Variants in PIN1 observed in about 807,000 individuals in gnomAD.
PIN1 encodes the protein peptidyl-prolyl cis-trans isomerase NIMA-interacting 1.
In PIN1, 8 loss-of-function variants were observed where a neutral mutation model predicts 19.9. The ratio of observed to expected loss-of-function variants is 0.40; its 90% confidence interval spans 0.24 to 0.72. PIN1 has a LOEUF of 0.72. Among genes scored for constraint, PIN1 ranks in the 30% least tolerant of loss-of-function variants. PIN1 has a pLI of 0.37. For missense variants in PIN1, 185 were observed against 226.5 expected, an observed-to-expected ratio of 0.82 and a Z score of 1.18; for synonymous variants, 86 against 90.8, an observed-to-expected ratio of 0.95 and a Z score of 0.30.
At chr19:9,843,709 G>A (rs1299908693) in intron 2 of PIN1, among the ~76,000 whole-genome samples, 2 of 152,150 alleles carry the variant, frequency 1.3e-5, no homozygotes. Context: ...CCAGGCGCAT[G>A]TGCACGGAGT....
At chr19:9,836,741 G>C (rs759540352) in intron 1 of PIN1, 2 of 902,970 alleles carry the variant, frequency 2.2e-6, no homozygotes, top group Non-Finnish European at 3.1e-6. Context: ...CACCATGCAC[G>C]GTGTAGTAGC....
At chr19:9,839,437 G>A (rs978331384) in intron 2 of PIN1, among the ~76,000 whole-genome samples, 1 of 151,508 alleles carries the variant, frequency 6.6e-6, no homozygotes, top group Non-Finnish European at 1.5e-5. Flanking sequence ...AAAAAAAGAG[G>A]TAGTGAGTGC....
In PIN1 at chr19:9,847,935, C is replaced by T. The variant is rs977080156; in HGVS notation, c.272-95C>T. ...GGAGGCTTTCCAACTGAAGTGCTGCCTCCCCCGCTGGCCAGCTCTGGAGTC... is the reference window on the plus strand; with the variant it reads ...GGAGGCTTTCCAACTGAAGTGCTGCTTCCCCCGCTGGCCAGCTCTGGAGTC... On this transcript the variant is annotated intron_variant, in intron 2 of 3. Transcript: ENST00000247970. The T allele has an allele frequency of 7.6e-6, 6 of 791,812 alleles. No homozygotes were observed. The African/African-American group carries it at 8.4e-5, about 11-fold the overall frequency. 49.0% of individuals were successfully genotyped at this position (791,812 alleles called of 1,614,324 possible).
At chr19:9,835,552 C>T (rs1473137281) in intron 1 of PIN1, 150 bp downstream of exon 1, 3 of 612,510 alleles carry the variant, frequency 4.9e-6, no homozygotes, top group Non-Finnish European at 7.7e-6. Context: ...CCCGGCCCGC[C>T]CTGTTGTGGG....
At chr19:9,835,844 A>T (rs188036947) in intron 1 of PIN1, 1 of 175,380 alleles carries the variant, frequency 5.7e-6, no homozygotes, top group African/African-American at 2.4e-5. Context: ...GTGTACACCT[A>T]ATGCTGAGTC....
At chr19:9,841,133 G>T (rs34582587) in intron 2 of PIN1, among the ~76,000 whole-genome samples, 9,236 of 152,188 alleles carry the variant, frequency 0.061, 939 homozygotes, top group African/African-American at 0.21. Context: ...TCATCACTTG[G>T]TCCAGTTGGC....
Position 9,835,335 on chromosome 19 carries a change from A to C in PIN1, c.-10A>C, listed in dbSNP as rs775598506. 1.3e-6 allele frequency: 2 copies of C among 1,518,692 alleles called. No homozygotes were observed. The highest frequency in any genetic ancestry group is 1.8e-6 in the Non-Finnish European group (2 of 1,138,240). The allele number at this position is 1,518,692 out of a possible 1,614,324, so 94.1% of individuals were successfully genotyped here. ...GCTGAGGCGGAGCAGGCGCTGCGGCAGGAGGGAAGATGGCGGACGAGGAGA... is the reference window on the plus strand; with the variant it reads ...GCTGAGGCGGAGCAGGCGCTGCGGCCGGAGGGAAGATGGCGGACGAGGAGA... On this transcript the variant is annotated 5_prime_UTR_variant, in exon 1 of 4. Coordinates refer to ENST00000247970, the MANE Select transcript of PIN1 (RefSeq NM_006221.4).
intron 1 of PIN1, 180 bp downstream of exon 1, chr19:9,835,582 C>A (rs2046094193): frequency 5.7e-6 from 3 of 528,214 alleles, no homozygotes; most frequent in South Asian, 7.2e-5. Context: ...CCTCAGGAGC[C>A]GCCGGGAAGC....
rs890437317 is a variant in PIN1, at chr19:9,836,814, C to T, written c.58+1412C>T. 1.2e-5 allele frequency: 16 copies of T among 1,286,460 alleles called. No individual in the cohort carries two copies. In the African/African-American group the frequency reaches 1.8e-4, roughly 15 times the overall value. The allele number at this position is 1,286,460 out of a possible 1,614,324, so 79.7% of individuals were successfully genotyped here. On this transcript the variant is annotated intron_variant, in intron 1 of 3. Transcript: ENST00000247970. ...AGTTCCTGCCTTCCCCTGTGTGTGC[C>T]TGGAACAGAGTAAACACTCAGGAAG...
intron 2 of PIN1, among the ~76,000 whole-genome samples, chr19:9,845,281 A>T (rs138120043): frequency 1.7e-5 from 2 of 116,802 alleles, no homozygotes; most frequent in African/African-American, 3.0e-5. Context: ...TGTTTGTTTG[A>T]AATGGAGTTT....
rs984783741 is a variant in PIN1, at chr19:9,838,775, G to A, written c.271+127G>A. 18 of 694,098 alleles carry A rather than the reference G, an allele frequency of 2.6e-5. No individual in the cohort carries two copies. The highest frequency in any genetic ancestry group is 3.9e-4 in the Middle Eastern group (1 of 2,564). The allele number at this position is 694,098 out of a possible 1,614,324, so 43.0% of individuals were successfully genotyped here. A position where few individuals can be genotyped will look rare whatever the true frequency, so the allele number is the denominator to read the frequency against. On this transcript the variant is annotated intron_variant, in intron 2 of 3. Transcript: ENST00000247970. The surrounding 1 kb of genome is among the most constrained non-coding windows in gnomAD (Gnocchi z 5.8). ...GCGTGGTGTTGGCCAACACAAAAACGCCAGTGCATGACCTGACCCTGACCT... is the reference window on the plus strand; with the variant it reads ...GCGTGGTGTTGGCCAACACAAAAACACCAGTGCATGACCTGACCCTGACCT...
At chr19:9,835,532 G>T in intron 1 of PIN1, 130 bp downstream of exon 1, 1 of 675,554 alleles carries the variant, frequency 1.5e-6, no homozygotes, top group South Asian at 2.7e-5. Context: ...GTCGTCCCCG[G>T]GGTAACGGCC....
Position 9,838,375 on chromosome 19 carries a change from G to A in PIN1, c.59-61G>A. The A allele has an allele frequency of 7.2e-7, 1 of 1,385,374 alleles. No individual in the cohort carries two copies. The highest frequency in any genetic ancestry group is 1.0e-6 in the Non-Finnish European group (1 of 994,778). 85.8% of individuals were successfully genotyped at this position (1,385,374 alleles called of 1,614,324 possible). The stretch of plus-strand genomic sequence containing the variant: ...GGCCCTCACCCTGGCTTCTGGCTGT[G>A]GGCCCAGGGGTGTCCTGGGAGCACA... On this transcript the variant is annotated intron_variant, in intron 1 of 3. Coordinates refer to ENST00000247970, the MANE Select transcript of PIN1 (RefSeq NM_006221.4). The surrounding 1 kb of genome is among the most constrained non-coding windows in gnomAD (Gnocchi z 5.8).
intron 2 of PIN1, among the ~76,000 whole-genome samples, chr19:9,844,276 TTC>T (rs2046197421): frequency 6.6e-6 from 1 of 152,158 alleles, no homozygotes; most frequent in Non-Finnish European, 1.5e-5. Context: ...CGGTCACTGA[TTC>T]ACTCCTTGGA....
rs1003342258 is a variant in PIN1 at position 9,849,008 on chromosome 19, G to T, written c.383-82G>T. On this transcript the variant is annotated intron_variant, in intron 3 of 3. Transcript: ENST00000247970. ...CTCAGCGCAGGCAGGAGCCCCATCT[G>T]TCGCGGCTGCCACCCGCCCTGCCTC... The T allele has an allele frequency of 1.2e-5, 10 of 803,602 alleles. No individual in the cohort carries two copies. In the African/African-American group the frequency reaches 1.7e-4, roughly 14 times the overall value. The allele number at this position is 803,602 out of a possible 1,614,324, so 49.8% of individuals were successfully genotyped here.
In PIN1 at chr19:9,849,268, G is replaced by T; in HGVS notation, c.*69G>T. 1.9e-6 allele frequency: 2 copies of T among 1,035,464 alleles called. No homozygotes were observed. Among genetic ancestry groups the T allele is most frequent in the Non-Finnish European group, 3.0e-6 (2 of 677,574 alleles). 64.1% of individuals were successfully genotyped at this position (1,035,464 alleles called of 1,614,324 possible). ...TAGGCCGGCCAGCTCCCCCTTGCCC[G>T]CCAGCCAGTGGCCGAACCCCCCACT... is the stretch of plus-strand genomic sequence containing the variant. On this transcript the variant is annotated 3_prime_UTR_variant, in exon 4 of 4. Transcript: ENST00000247970.
At position 9,849,650 on chromosome 19, in the gene PIN1, A is replaced by T. The variant is rs1171537163; in HGVS notation, c.*451A>T. The T allele has an allele frequency of 3.8e-6, 2 of 519,900 alleles. No individual in the cohort carries two copies. The highest frequency in any genetic ancestry group is 3.9e-5 in the Admixed American group (2 of 51,446). The allele number at this position is 519,900 out of a possible 1,614,324, so 32.2% of individuals were successfully genotyped here. A position where few individuals can be genotyped will look rare whatever the true frequency, so the allele number is the denominator to read the frequency against. On this transcript the variant is annotated 3_prime_UTR_variant, in exon 4 of 4. Transcript: ENST00000247970. ...TGGGCCCTCTGAGCAACTGTGCAGC[A>T]CCCTTTCACCCCCAATTAAACCCAG...
chr19:9,836,852 C>G, intron 1 of PIN1: 1 of 1,286,942 alleles, frequency 7.8e-7, no homozygotes, highest in Non-Finnish European at 1.0e-6. Flanking sequence ...TTACCCACTG[C>G]TGCCATTCCC....
At position 9,848,562 on chromosome 19, in the gene PIN1, G is replaced by A. The variant is rs1256401668; in HGVS notation, c.382+422G>A. The A allele has an allele frequency of 1.1e-4, 29 of 263,326 alleles. No individual in the cohort carries two copies. The Admixed American group carries it at 1.4e-3, about 13-fold the overall frequency. 16.3% of individuals were successfully genotyped at this position (263,326 alleles called of 1,614,324 possible). On this transcript the variant is annotated intron_variant, in intron 3 of 3. Transcript: ENST00000247970. ...TGAGAGGAGGTGGCCCTGAGTTTAG[G>A]CCTGTCTGGCCAGGACAGTGGAAAT...
Sources: allele counts gnomAD v4.1 joint callset (sites outside exome capture counted in the v4.1 genomes callset), GRCh38; gene constraint gnomAD v4.1.1; non-coding constraint Gnocchi (gnomAD v3.1); transcripts MANE v1.5; gene names NCBI Gene and HGNC (gene_info 2026-07-23, HGNC 2026-07-21).